SCN11A: variants seen among roughly 807,000 people sequenced by gnomAD.
SCN11A encodes sodium channel protein type 11 subunit alpha.
SCN11A carries 122 observed loss-of-function variants against 162.2 expected under a neutral mutation model. That is an observed-to-expected ratio of 0.75 (90% CI 0.65 to 0.87). SCN11A has a LOEUF of 0.87. SCN11A is among the 40% of genes least tolerant of loss of function. The pLI is 0.00. For missense variants in SCN11A, 2,015 were observed against 2,181.6 expected, an observed-to-expected ratio of 0.92 and a Z score of 1.52; for synonymous variants, 758 against 751.5, an observed-to-expected ratio of 1.01 and a Z score of -0.14.
intron 7 of SCN11A, among the ~76,000 whole-genome samples, chr3:38,941,614 G>T (rs1041171943): frequency 6.6e-6 from 1 of 152,130 alleles, no homozygotes; most frequent in Non-Finnish European, 1.5e-5. Flanking sequence ...GGAATTCAAC[G>T]TTAACTCTAT....
In SCN11A at chr3:38,870,742, T is replaced by C. The variant is rs2065112716; in HGVS notation, c.3762A>G (p.Ala1254=). ...GNAYLALLQV[A]TFKGWMDIIY... The stretch of plus-strand genomic sequence containing the variant: ...TAATATCCATCCAGCCCTTAAATGT[T>C]GCCTGCAACAAAAGCAGAAAAACAT... Residue 1254 remains alanine, a splice_region_variant and synonymous_variant, in exon 26 of 30, where the codon GCA becomes GCG. Coordinates refer to ENST00000302328, the MANE Select transcript of SCN11A (RefSeq NM_001349253.2). 1 of 1,613,148 alleles carries C rather than the reference T, an allele frequency of 6.2e-7. No individual in the cohort carries two copies. The highest frequency in any genetic ancestry group is 8.5e-7 in the Non-Finnish European group (1 of 1,179,360).
In SCN11A at chr3:38,847,228, A is replaced by T. The variant is rs984379131; in HGVS notation, c.4842T>A (p.Ser1614Arg). The change falls in exon 30 of 30, where the codon AGT (serine) becomes AGA (arginine). Residue 1614 changes from serine (S) to arginine (R), a missense_variant. Ser to Arg is a moderately radical substitution (Grantham distance 110, BLOSUM62 -1). Transcript: ENST00000302328. ...AGTCATCTTCACCCAAAGGGTCCTCACTTTCTTCAGTGGCTGTATTGAAGT... is the reference window on the plus strand; with the variant it reads ...AGTCATCTTCACCCAAAGGGTCCTCTCTTTCTTCAGTGGCTGTATTGAAGT... Reference protein sequence around the residue: ...LENFNTATEESEDPLGEDDFD... With the variant: ...LENFNTATEEREDPLGEDDFD... 1 of 1,614,062 alleles carries T rather than the reference A, an allele frequency of 6.2e-7. No individual in the cohort carries two copies. Among genetic ancestry groups the T allele is most frequent in the African/African-American group, 1.3e-5 (1 of 75,032 alleles).
At chr3:38,949,862 T>C (rs997279235) in intron 5 of SCN11A, among the ~76,000 whole-genome samples, 2 of 152,166 alleles carry the variant, frequency 1.3e-5, no homozygotes, top group African/African-American at 4.8e-5. Flanking sequence ...TTTTATCCTT[T>C]TGCAGTCCCT....
At chr3:38,980,442 A>G (rs539585493) in intron 2 of SCN11A, among the ~76,000 whole-genome samples, 1 of 152,332 alleles carries the variant, frequency 6.6e-6, no homozygotes, top group South Asian at 2.1e-4. Flanking sequence ...ACCACTGCAG[A>G]CAACTGTGAT....
In SCN11A at chr3:38,894,542, A is replaced by C. The variant is rs1351756131; in HGVS notation, c.2826T>G (p.Pro942=). The change falls in exon 19 of 30, where the codon CCT becomes CCG. Residue 942 remains proline, a synonymous_variant. Transcript: ENST00000302328. ...DNAQRITQPE[P]EQQAYELHQE... ...GTGTGAACCTTCATACCTGTTGTTC[A>C]GGCTCAGGTTGTGTGATGCGCTGTG... 6.2e-7 allele frequency: 1 copy of C among 1,602,332 alleles called. No individual in the cohort carries two copies. The highest frequency in any genetic ancestry group is 8.5e-7 in the Non-Finnish European group (1 of 1,174,562).
At chr3:38,986,592 A>T (rs1441918086) in intron 2 of SCN11A, among the ~76,000 whole-genome samples, 1 of 152,118 alleles carries the variant, frequency 6.6e-6, no homozygotes, top group Non-Finnish European at 1.5e-5. Context: ...TTTAAGATGC[A>T]AGTATCTCTC....
chr3:39,023,034 A>ATT (rs889544294), intron 2 of SCN11A, among the ~76,000 whole-genome samples: 3 of 152,360 alleles, frequency 2.0e-5, no homozygotes, highest in Non-Finnish European at 4.4e-5. Context: ...CAAATTTTTA[A>ATT]TTTTTAAAAA....
chr3:39,015,938 T>C (rs1468802924), intron 2 of SCN11A, among the ~76,000 whole-genome samples: 1 of 152,194 alleles, frequency 6.6e-6, no homozygotes, highest in African/African-American at 2.4e-5. Context: ...GGTTTCACCA[T>C]TTTGGCCAGG....
chr3:38,943,746 T>C (rs564668038), intron 7 of SCN11A, among the ~76,000 whole-genome samples: 4 of 151,850 alleles, frequency 2.6e-5, no homozygotes, highest in Non-Finnish European at 5.9e-5. Flanking sequence ...GTCATTCATA[T>C]ATGGGAACTG....
At chr3:38,879,103 C>A (rs933989464) in intron 23 of SCN11A, among the ~76,000 whole-genome samples, 2 of 152,104 alleles carry the variant, frequency 1.3e-5, no homozygotes, top group African/African-American at 4.8e-5. Flanking sequence ...AAATCAAGAG[C>A]TTTGGAGTGA....
At chr3:38,922,677 A>G (rs192422608) in intron 9 of SCN11A, among the ~76,000 whole-genome samples, 26 of 151,818 alleles carry the variant, frequency 1.7e-4, no homozygotes, top group Non-Finnish European at 3.2e-4. Context: ...GAAGAAGGAG[A>G]AGGAGGAGGA....
chr3:39,004,513 T>G (rs1413149181), intron 2 of SCN11A, among the ~76,000 whole-genome samples: 1 of 152,232 alleles, frequency 6.6e-6, no homozygotes, highest in Admixed American at 6.5e-5. Context: ...GGCTCTTTTT[T>G]TATTCCATAT....
intron 2 of SCN11A, among the ~76,000 whole-genome samples, chr3:38,983,518 T>A (rs1432592246): frequency 6.6e-6 from 1 of 152,194 alleles, no homozygotes; most frequent in Non-Finnish European, 1.5e-5. Context: ...AAGGAAATTC[T>A]GAAACCCTCA....
chr3:38,946,994 T>A (rs2066527927), intron 5 of SCN11A, 87 bp from the exon 6 acceptor site: 5 of 770,454 alleles, frequency 6.5e-6, no homozygotes, highest in Admixed American at 2.5e-5. Flanking sequence ...TATCATGAAT[T>A]CATTTAGAGA....
Position 38,910,179 on chromosome 3 carries a change from G to T in SCN11A, c.988C>A (p.His330Asn), listed in dbSNP as rs763391682. 8.1e-6 allele frequency: 13 copies of T among 1,613,452 alleles called. No individual in the cohort carries two copies. The highest frequency in any genetic ancestry group is 1.1e-5 in the Non-Finnish European group (13 of 1,179,538). ...SACSIQYECKHTKINPDYNYT... is the reference protein window; with the variant it reads ...SACSIQYECKNTKINPDYNYT... ...TTATAGTCAGGATTAATTTTGGTGT[G>T]CTTACATTCATATTGTATGGAACAG... Residue 330 changes from histidine to asparagine, a missense_variant, in exon 12 of 30, where the codon CAC (histidine) becomes AAC (asparagine). Transcript: ENST00000302328.
chr3:38,852,523 A>G (rs1411775601), intron 28 of SCN11A, among the ~76,000 whole-genome samples: 1 of 152,206 alleles, frequency 6.6e-6, no homozygotes, highest in African/African-American at 2.4e-5. Flanking sequence ...ATTCTATGTC[A>G]CTTCAGAACG....
chr3:38,960,649 GAATACAGAA>G (rs1344986877), intron 2 of SCN11A, among the ~76,000 whole-genome samples: 1 of 152,134 alleles, frequency 6.6e-6, no homozygotes, highest in Admixed American at 6.5e-5. Context: ...GTGGGTGAGG[GAATACAGAA>G]AAGTCTGTGT....
rs2064685980 is a variant in SCN11A, at chr3:38,847,221, G to A, written c.4849C>T (p.Pro1617Ser). Residue 1617 changes from proline to serine, a missense_variant, in exon 30 of 30, where the codon CCT (proline) becomes TCT (serine). Physicochemically the swap from Pro to Ser is moderately conservative, Grantham distance 74. Transcript: ENST00000302328. ...FNTATEESED[P>S]LGEDDFDIFY... ...ATGTCAAAGTCATCTTCACCCAAAG[G>A]GTCCTCACTTTCTTCAGTGGCTGTA... 6.2e-7 allele frequency: 1 copy of A among 1,613,930 alleles called. No individual in the cohort carries two copies. Among genetic ancestry groups the A allele is most frequent in the Middle Eastern group, 1.7e-4 (1 of 6,056 alleles).
chr3:38,915,660 G>A (rs533585977), intron 11 of SCN11A, among the ~76,000 whole-genome samples: 12 of 152,192 alleles, frequency 7.9e-5, no homozygotes, highest in African/African-American at 2.6e-4. Context: ...GCTGTGGTCC[G>A]AGAGTGTGTT....
Sources: allele counts gnomAD v4.1 joint callset (sites outside exome capture counted in the v4.1 genomes callset), GRCh38; gene constraint gnomAD v4.1.1; transcripts MANE v1.5; gene names NCBI Gene and HGNC (gene_info 2026-07-23, HGNC 2026-07-21).